Variants in CMTM7 observed in about 807,000 individuals in gnomAD.
CMTM7 encodes CKLF-like MARVEL transmembrane domain-containing protein 7.
A neutral mutation model predicts 19.3 loss-of-function variants in CMTM7; 7 were observed. The observed-to-expected ratio is 0.36, with a 90% CI of 0.21 to 0.68. The LOEUF is 0.68. Among genes scored for constraint, CMTM7 ranks in the 30% least tolerant of loss-of-function variants. The pLI is 0.60. For synonymous variants in CMTM7, 87 were observed against 99.3 expected, an observed-to-expected ratio of 0.88 and a Z score of 0.74; for missense variants, 193 against 232.6, an observed-to-expected ratio of 0.83 and a Z score of 1.11.
rs1169818646 is a variant in CMTM7, at chr3:32,442,027, CT to C, written c.333+15del. ...TGGCCCCTGTCGGTAAGAGAGTGGTCTGGCCCTGTCCTCCGCATGCACAAGT... is the reference window on the plus strand; with the variant it reads ...TGGCCCCTGTCGGTAAGAGAGTGGTCGGCCCTGTCCTCCGCATGCACAAGT... On this transcript the variant is annotated intron_variant, in intron 2 of 4. Transcript: ENST00000334983. 11 of 1,613,048 alleles carry C rather than the reference CT, an allele frequency of 6.8e-6. No homozygotes were observed. The highest frequency in any genetic ancestry group is 9.3e-6 in the Non-Finnish European group (11 of 1,179,264).
intron 1 of CMTM7, among the ~76,000 whole-genome samples, chr3:32,420,641 G>A (rs557506585): frequency 6.6e-6 from 1 of 152,314 alleles, no homozygotes; most frequent in East Asian, 1.9e-4. Context: ...GGAAGAAAGG[G>A]GCAAGGTGTC....
Position 32,454,428 on chromosome 3 carries a change from G to A in CMTM7, c.*174G>A. The A allele has an allele frequency of 1.3e-6, 1 of 781,094 alleles. No individual in the cohort carries two copies. Among genetic ancestry groups the A allele is most frequent in the South Asian group, 1.5e-5 (1 of 68,590 alleles). The allele number at this position is 781,094 out of a possible 1,614,324, so 48.4% of individuals were successfully genotyped here. A position where few individuals can be genotyped will look rare whatever the true frequency, so the allele number is the denominator to read the frequency against. On this transcript the variant is annotated 3_prime_UTR_variant, in exon 5 of 5. Coordinates refer to ENST00000334983, the MANE Select transcript of CMTM7 (RefSeq NM_138410.4). ...GGAAGCCAGCTCCCTGAGCTCCTGAGCCAGCCGGAAACTCTTCCTCCAGCC... is the reference window on the plus strand; with the variant it reads ...GGAAGCCAGCTCCCTGAGCTCCTGAACCAGCCGGAAACTCTTCCTCCAGCC...
At chr3:32,409,797 G>A (rs1264986953) in intron 1 of CMTM7, among the ~76,000 whole-genome samples, 1 of 152,194 alleles carries the variant, frequency 6.6e-6, no homozygotes, top group Non-Finnish European at 1.5e-5. Flanking sequence ...CAATTTGAAT[G>A]CTTTTGTTTT....
chr3:32,433,914 G>A (rs1029085545), intron 1 of CMTM7, among the ~76,000 whole-genome samples: 21 of 151,928 alleles, frequency 1.4e-4, no homozygotes, highest in African/African-American at 3.6e-4. Flanking sequence ...CAGGCTGGGC[G>A]CAGTGGCTCA....
rs74869891 is a variant in CMTM7 at position 32,396,085 on chromosome 3, G to A, written c.159+4020G>A. Among the ~76,000 whole-genome samples, 1,059 of 152,268 alleles carry A rather than the reference G, an allele frequency of 7.0e-3. 12 individuals carry two copies. Among genetic ancestry groups the A allele is most frequent in the African/African-American group, 0.024 (1,014 of 41,536 alleles). On this transcript the variant is annotated intron_variant, in intron 1 of 4. Transcript: ENST00000334983. ...CATTTATATGAAATGTCCAGAATAG[G>A]CAAATGCGTAGACACAAAAATAGAT...
At chr3:32,412,148 G>A (rs758676091) in intron 1 of CMTM7, among the ~76,000 whole-genome samples, 25 of 152,004 alleles carry the variant, frequency 1.6e-4, no homozygotes, top group Non-Finnish European at 4.4e-5. Context: ...AGCTGCTGGA[G>A]GAATTAATGA....
chr3:32,392,118 C>T, intron 1 of CMTM7, 53 bp downstream of exon 1: 1 of 1,208,022 alleles, frequency 8.3e-7, no homozygotes, highest in Non-Finnish European at 1.0e-6. Flanking sequence ...CCCGGGAAAG[C>T]AGGGGTCCGG....
chr3:32,426,399 T>A (rs1213765401), intron 1 of CMTM7, among the ~76,000 whole-genome samples: 1 of 152,152 alleles, frequency 6.6e-6, no homozygotes, highest in Non-Finnish European at 1.5e-5. Flanking sequence ...TTTTCATAAT[T>A]ACAAAATAGT....
intron 1 of CMTM7, among the ~76,000 whole-genome samples, chr3:32,421,201 A>G (rs115290439): frequency 1.2e-3 from 184 of 152,088 alleles, no homozygotes; most frequent in African/African-American, 4.3e-3. Context: ...TCCACCTGCT[A>G]CTAGATTCAT....
intron 1 of CMTM7, among the ~76,000 whole-genome samples, chr3:32,398,668 G>A (rs1266342296): frequency 6.6e-6 from 1 of 151,852 alleles, no homozygotes; most frequent in Non-Finnish European, 1.5e-5. Flanking sequence ...ATGTGAGCAT[G>A]AGGAAATTGC....
intron 1 of CMTM7, among the ~76,000 whole-genome samples, chr3:32,414,737 G>T (rs914505840): frequency 6.6e-6 from 1 of 152,194 alleles, no homozygotes; most frequent in Admixed American, 6.5e-5. Flanking sequence ...GTGCTGCAGG[G>T]ACCCAGTGAG....
At chr3:32,412,209 G>T (rs1402766548) in intron 1 of CMTM7, among the ~76,000 whole-genome samples, 1 of 152,002 alleles carries the variant, frequency 6.6e-6, no homozygotes, top group Non-Finnish European at 1.5e-5. Context: ...TGCAGCCTGG[G>T]TGTGGTGGCT....
At chr3:32,435,774 TA>T (rs1379835051) in intron 1 of CMTM7, among the ~76,000 whole-genome samples, 27 of 152,206 alleles carry the variant, frequency 1.8e-4, no homozygotes, top group Admixed American at 7.2e-4. Flanking sequence ...GGGAATACTA[TA>T]TAGCCAATGA....
intron 1 of CMTM7, among the ~76,000 whole-genome samples, chr3:32,414,429 G>A (rs1302203590): frequency 3.3e-5 from 5 of 152,112 alleles, no homozygotes; most frequent in East Asian, 3.9e-4. Context: ...TTTAGGAAGA[G>A]GTGAAGTACA....
At chr3:32,447,257 A>C (rs1049486836) in intron 2 of CMTM7, among the ~76,000 whole-genome samples, 2 of 151,954 alleles carry the variant, frequency 1.3e-5, no homozygotes, top group Non-Finnish European at 2.9e-5. Flanking sequence ...ATTTGATTCC[A>C]TTGTGTTCAG....
At chr3:32,411,316 TAATTA>T (rs943919436) in intron 1 of CMTM7, among the ~76,000 whole-genome samples, 10 of 152,362 alleles carry the variant, frequency 6.6e-5, no homozygotes, top group African/African-American at 2.4e-4. Flanking sequence ...CTTTTAGATT[TAATTA>T]AATATAAATT....
chr3:32,428,456 G>T (rs1412180683), intron 1 of CMTM7, among the ~76,000 whole-genome samples: 1 of 152,206 alleles, frequency 6.6e-6, no homozygotes, highest in Non-Finnish European at 1.5e-5. Context: ...AGGGGTTTAA[G>T]TGTCTGCTGA....
intron 2 of CMTM7, among the ~76,000 whole-genome samples, chr3:32,446,499 T>A (rs1472395739): frequency 6.6e-6 from 1 of 152,180 alleles, no homozygotes; most frequent in Non-Finnish European, 1.5e-5. Context: ...GTTGCTTTAA[T>A]CTTTATTTTT....
intron 1 of CMTM7, among the ~76,000 whole-genome samples, chr3:32,429,899 G>T (rs1244376231): frequency 6.6e-6 from 1 of 152,040 alleles, no homozygotes; most frequent in Non-Finnish European, 1.5e-5. Context: ...GCGCCCAGCC[G>T]AGCAGTGTAT....
Sources: allele counts gnomAD v4.1 joint callset (sites outside exome capture counted in the v4.1 genomes callset), GRCh38; gene constraint gnomAD v4.1.1; transcripts MANE v1.5; gene names NCBI Gene and HGNC (gene_info 2026-07-23, HGNC 2026-07-21).